Variants in LLGL2 observed in about 807,000 individuals in gnomAD.
The protein encoded by LLGL2 is LLGL scribble cell polarity complex component 2, also known as LLGL2, scribble cell polarity complex component.
Under a neutral mutation model 123.2 loss-of-function variants are expected in LLGL2, and 81 were observed. The ratio of observed to expected loss-of-function variants is 0.66; its 90% CI spans 0.55 to 0.79. The LOEUF (loss-of-function observed/expected upper bound fraction) is 0.79. Among genes scored for constraint, LLGL2 ranks in the 30% least tolerant of loss-of-function variants. LLGL2 has a pLI of 0.00. For missense variants in LLGL2, 1,273 were observed against 1,414.6 expected, an observed-to-expected ratio of 0.90 and a Z score of 1.61; for synonymous variants, 577 against 594.1, an observed-to-expected ratio of 0.97 and a Z score of 0.42.
chr17:75,545,415 G>A (rs903766648), intron 2 of LLGL2, among the ~76,000 whole-genome samples: 1 of 152,210 alleles, frequency 6.6e-6, no homozygotes, highest in Admixed American at 6.5e-5. Flanking sequence ...CTGCAGGAGG[G>A]AGGAGGCTGA....
At chr17:75,536,332 G>T (rs1568020853) in intron 1 of LLGL2, among the ~76,000 whole-genome samples, 1 of 152,176 alleles carries the variant, frequency 6.6e-6, no homozygotes, top group Non-Finnish European at 1.5e-5. Context: ...TGTCACTTAA[G>T]TGCACAGCAC....
At chr17:75,570,576 C>T in intron 16 of LLGL2, 78 bp downstream of exon 16, 3 of 1,484,408 alleles carry the variant, frequency 2.0e-6, no homozygotes, top group Non-Finnish European at 1.8e-6. Context: ...GCCACACGGC[C>T]CCTGCTCCCC....
At position 75,571,941 on chromosome 17, in the gene LLGL2, C is replaced by T. The variant is rs2055730180; in HGVS notation, c.2337C>T (p.Ile779=). 6.2e-7 allele frequency: 1 copy of T among 1,612,576 alleles called. No homozygotes were observed. Among genetic ancestry groups the T allele is most frequent in the Admixed American group, 1.7e-5 (1 of 59,984 alleles). Reference sequence around the variant, plus strand: ...TGCACCGGGCGCCGGTGGTGGGCATCCTGGTGCTCGACGGACACAGCGTAC... The same window carrying T: ...TGCACCGGGCGCCGGTGGTGGGCATTCTGGTGCTCGACGGACACAGCGTAC... ...QLMHRAPVVG[I]LVLDGHSVPL... Residue 779 remains isoleucine, a synonymous_variant, in exon 19 of 26, where the codon ATC becomes ATT. Coordinates refer to ENST00000392550, the MANE Select transcript of LLGL2 (RefSeq NM_001031803.2).
intron 1 of LLGL2, among the ~76,000 whole-genome samples, chr17:75,541,100 C>T (rs1400248393): frequency 6.6e-6 from 1 of 152,220 alleles, no homozygotes; most frequent in Non-Finnish European, 1.5e-5. Context: ...TCCACGCCCT[C>T]CTGATGCCAT....
chr17:75,572,572 G>C (rs1245772456), intron 19 of LLGL2, among the ~76,000 whole-genome samples: 34 of 151,570 alleles, frequency 2.2e-4, no homozygotes, highest in Admixed American at 2.2e-3. Flanking sequence ...GGCTGAGGCA[G>C]GAGAATGGCG....
In LLGL2 at chr17:75,573,952, G is replaced by A; in HGVS notation, c.2877G>A (p.Arg959=). Residue 959 remains arginine (R), a splice_region_variant and synonymous_variant, in exon 22 of 26, where the codon AGG becomes AGA. Transcript: ENST00000392550. ...AGPKKAPSRA[R]NSGTQSDGEE... ...GTCCTCACTGTCTCTTCCCCCACAG[G>A]AACTCAGGGACTCAGAGTGATGGCG... 1 of 1,550,804 alleles carries A rather than the reference G, an allele frequency of 6.4e-7. No individual in the cohort carries two copies. Among genetic ancestry groups the A allele is most frequent in the Non-Finnish European group, 8.7e-7 (1 of 1,146,962 alleles).
In LLGL2 at chr17:75,569,954, C is replaced by T; in HGVS notation, c.1582-9C>T. The T allele has an allele frequency of 6.4e-7, 1 of 1,574,678 alleles. No individual in the cohort carries two copies. Among genetic ancestry groups the T allele is most frequent in the South Asian group, 1.2e-5 (1 of 86,246 alleles). On this transcript the variant is annotated splice_polypyrimidine_tract_variant and intron_variant, in intron 14 of 25. Transcript: ENST00000392550. The stretch of plus-strand genomic sequence containing the variant: ...GAGGGCTTGCTGAGCCACCTGCCAC[C>T]CTGCGCAGGTGCTGGTACTGGAACT...
chr17:75,573,985 G>A lies in LLGL2; in HGVS notation c.2905+5G>A, dbSNP rs1486298376. 5 of 1,550,752 alleles carry A rather than the reference G, an allele frequency of 3.2e-6. No individual in the cohort carries two copies. The highest frequency in any genetic ancestry group is 4.4e-6 in the Non-Finnish European group (5 of 1,146,990). ...GGACTCAGAGTGATGGCGAGGGTAA[G>A]ACAGGCCTCCTGGGCTCATGCACAC... is the stretch of plus-strand genomic sequence containing the variant. On this transcript the variant is annotated splice_donor_5th_base_variant and intron_variant, in intron 22 of 25. Coordinates refer to ENST00000392550, the MANE Select transcript of LLGL2 (RefSeq NM_001031803.2).
chr17:75,563,621 T>A (rs2055321253), intron 8 of LLGL2, 131 bp from the exon 9 acceptor site: 1 of 1,476,376 alleles, frequency 6.8e-7, no homozygotes, highest in Non-Finnish European at 9.4e-7. Flanking sequence ...TTGGGGAACT[T>A]CTCGGAGCAA....
chr17:75,559,559 G>A lies in LLGL2; in HGVS notation c.530+149G>A. 1 of 978,436 alleles carries A rather than the reference G, an allele frequency of 1.0e-6. No homozygotes were observed. Among genetic ancestry groups the A allele is most frequent in the Non-Finnish European group, 1.5e-6 (1 of 682,314 alleles). 60.6% of individuals were successfully genotyped at this position (978,436 alleles called of 1,614,324 possible). ...AGGGGAGGCTCTTGGCTTCCTACCT[G>A]TCACCTACTGAGAACCTATTGGCCT... is the stretch of plus-strand genomic sequence containing the variant. On this transcript the variant is annotated intron_variant, in intron 6 of 25. Transcript: ENST00000392550. The surrounding 1 kb of genome is among the most constrained non-coding windows in gnomAD (Gnocchi z 4.6).
intron 1 of LLGL2, among the ~76,000 whole-genome samples, chr17:75,532,273 C>T (rs1452156153): frequency 5.9e-5 from 9 of 151,768 alleles, no homozygotes; most frequent in African/African-American, 1.7e-4. Context: ...TGTTTTGAGA[C>T]GGAGACTTGC....
At position 75,533,190 on chromosome 17, in the gene LLGL2, A is replaced by G. The variant is rs1422424307; in HGVS notation, c.-31+7365A>G. On this transcript the variant is annotated intron_variant, in intron 1 of 25. Transcript: ENST00000392550. ...AATTGTTTGTATTTTTAGTAGAGACAAGGTTTCACCGTGTTAGCCAGGATG... is the reference window on the plus strand; with the variant it reads ...AATTGTTTGTATTTTTAGTAGAGACGAGGTTTCACCGTGTTAGCCAGGATG... Among the ~76,000 whole-genome samples, 12 of 151,036 alleles carry G rather than the reference A, an allele frequency of 7.9e-5. No homozygotes were observed. The East Asian group carries it at 9.8e-4, about 12-fold the overall frequency.
At chr17:75,556,965 G>A (rs2054939462) in intron 3 of LLGL2, among the ~76,000 whole-genome samples, 1 of 151,370 alleles carries the variant, frequency 6.6e-6, no homozygotes, top group African/African-American at 2.4e-5. Context: ...GGAGGCAGAG[G>A]TTGCAGTGAG....
chr17:75,570,325 T>A lies in LLGL2; in HGVS notation c.1875-23T>A, dbSNP rs191657471. On this transcript the variant is annotated intron_variant, in intron 15 of 25. Transcript: ENST00000392550. ...GAGGACTCCCAGGACCTAGCAGCAC[T>A]GACAGCCTGCCATCCCCCCAAGGTG... is the stretch of plus-strand genomic sequence containing the variant. 444 of 1,610,254 alleles carry A rather than the reference T, an allele frequency of 2.8e-4. 8 individuals carry two copies. In the East Asian group the frequency reaches 9.8e-3, roughly 36 times the overall value.
chr17:75,558,170 C>T lies in LLGL2; in HGVS notation c.189C>T (p.Gly63=), dbSNP rs139749599. 210 of 1,613,646 alleles carry T rather than the reference C, an allele frequency of 1.3e-4. 2 individuals carry two copies. In the Admixed American group the frequency reaches 2.9e-3, roughly 22 times the overall value. The change falls in exon 4 of 26, where the codon GGC becomes GGT. Residue 63 remains glycine, a synonymous_variant. Coordinates refer to ENST00000392550, the MANE Select transcript of LLGL2 (RefSeq NM_001031803.2). The surrounding 1 kb of genome is among the most constrained non-coding windows in gnomAD (Gnocchi z 4.0). ...CTACTCCTAGCTACGGAGCCCCAGGCGTGGAGTTCATGGGGCTGCACCAGG... is the reference window on the plus strand; with the variant it reads ...CTACTCCTAGCTACGGAGCCCCAGGTGTGGAGTTCATGGGGCTGCACCAGG... ...SGAIKLYGAP[G]VEFMGLHQEN...
chr17:75,527,775 C>CTT (rs138872671), intron 1 of LLGL2, among the ~76,000 whole-genome samples: 2 of 147,192 alleles, frequency 1.4e-5, no homozygotes, highest in African/African-American at 5.0e-5. Flanking sequence ...CTGTTAGTAA[C>CTT]TTTTTTTTTT....
In LLGL2 at chr17:75,564,220, G is replaced by A; in HGVS notation, c.882-133G>A. The A allele has an allele frequency of 6.8e-7, 1 of 1,471,100 alleles. No homozygotes were observed. Among genetic ancestry groups the A allele is most frequent in the Admixed American group, 2.3e-5 (1 of 42,766 alleles). 91.1% of individuals were successfully genotyped at this position (1,471,100 alleles called of 1,614,324 possible). ...CTCCAAGTCCTCCTGGGCTGTAGCA[G>A]TTGGAAGGAGATGGGGTCCAGTCTC... On this transcript the variant is annotated intron_variant, in intron 9 of 25. Transcript: ENST00000392550. This position sits in a 1 kb window ranked among gnomAD's most constrained non-coding sequence, Gnocchi z 4.9.
rs1320071418 is a variant in LLGL2 at position 75,550,005 on chromosome 17, GCAGAGGTCA to G, written c.76-6039_76-6031del. On this transcript the variant is annotated intron_variant, in intron 2 of 25. Coordinates refer to ENST00000392550, the MANE Select transcript of LLGL2 (RefSeq NM_001031803.2). ...GAGTTCATTGTTCTCTCCTCCCTTG[GCAGAGGTCA>G]CCTGAGCCAGGTATCAGATGTGGGC... 6.6e-5 allele frequency among the ~76,000 whole-genome samples: 10 copies of G among 152,336 alleles called. No individual in the cohort carries two copies. In the East Asian group the frequency reaches 1.5e-3, roughly 24 times the overall value.
chr17:75,570,360 C>T lies in LLGL2; in HGVS notation c.1887C>T (p.His629=), dbSNP rs145928772. 56 of 1,612,014 alleles carry T rather than the reference C, an allele frequency of 3.5e-5. No individual in the cohort carries two copies. In the African/African-American group the frequency reaches 6.5e-4, roughly 19 times the overall value. Residue 629 remains histidine (H), a synonymous_variant, in exon 16 of 26, where the codon CAC becomes CAT. Coordinates refer to ENST00000392550, the MANE Select transcript of LLGL2 (RefSeq NM_001031803.2). The stretch of plus-strand genomic sequence containing the variant: ...CCATCCCCCCAAGGTGCACACTGCA[C>T]CCCAGTGACCAGCTGGCCTTGGAGG... ...RRQVFVKCTL[H]PSDQLALEGP... is the part of the protein sequence containing the mutation.
Sources: gnomAD v4.1 joint callset for allele counts (sites outside exome capture counted in the v4.1 genomes callset) on GRCh38, gnomAD v4.1.1 for gene constraint, Gnocchi (gnomAD v3.1) non-coding constraint, MANE v1.5 for transcripts, NCBI Gene and HGNC (gene_info 2026-07-23, HGNC 2026-07-21) for gene names.